SEMA4B: variants seen among roughly 807,000 people sequenced by gnomAD.
The protein encoded by SEMA4B is semaphorin 4B.
In SEMA4B, 55 loss-of-function variants were observed where a neutral mutation model predicts 88.1. The ratio of observed to expected loss-of-function variants is 0.62; its 90% CI spans 0.50 to 0.78. The LOEUF is 0.78. Ranked by LOEUF, SEMA4B falls within the 30% of genes least tolerant of loss-of-function variation. The pLI is 0.00. For synonymous variants in SEMA4B, 525 were observed against 473.6 expected, an observed-to-expected ratio of 1.11 and a Z score of -1.41; for missense variants, 1,062 against 1,111.9, an observed-to-expected ratio of 0.96 and a Z score of 0.64.
At chr15:90,213,596 G>T (rs894773628) in intron 1 of SEMA4B, among the ~76,000 whole-genome samples, 1 of 152,238 alleles carries the variant, frequency 6.6e-6, no homozygotes, top group Non-Finnish European at 1.5e-5. Context: ...TCTCCCAGGC[G>T]TAAGTGGGAT....
At chr15:90,213,889 T>G (rs1596142197) in intron 1 of SEMA4B, among the ~76,000 whole-genome samples, 1 of 152,342 alleles carries the variant, frequency 6.6e-6, no homozygotes, top group South Asian at 2.1e-4. Context: ...CCGTGACATG[T>G]ATGAGAAACT....
chr15:90,217,467 C>T lies in SEMA4B; in HGVS notation c.186C>T (p.Phe62=), dbSNP rs377508643. ...LGSEERPFLR[F]EAEHISNYTA... ...CTGAAGAGCGGCCATTCCTCAGATT[C>T]GAAGCTGAACACATCTCCAACTACA... Residue 62 remains phenylalanine, a synonymous_variant, in exon 2 of 14, where the codon TTC becomes TTT. Transcript: ENST00000411539. 9.9e-6 allele frequency: 16 copies of T among 1,613,530 alleles called. No homozygotes were observed. Among genetic ancestry groups the T allele is most frequent in the African/African-American group, 1.3e-5 (1 of 74,908 alleles).
intron 1 of SEMA4B, chr15:90,185,096 T>C (rs1254757609): frequency 1.0e-6 from 1 of 980,754 alleles, no homozygotes; most frequent in Non-Finnish European, 1.2e-6. Flanking sequence ...GCGCGGGGGG[T>C]GCCTGGCGAG....
At position 90,221,621 on chromosome 15, in the gene SEMA4B, T is replaced by C. The variant is rs747557272; in HGVS notation, c.717T>C (p.Ala239=). 2 of 1,614,020 alleles carry C rather than the reference T, an allele frequency of 1.2e-6. No individual in the cohort carries two copies. The highest frequency in any genetic ancestry group is 1.1e-5 in the South Asian group (1 of 91,090). ...CTGACCTGGTCCCTACAGACCCAGCTTTTGTGGCCTCAGCCTACATTCCTG... is the reference window on the plus strand; with the variant it reads ...CTGACCTGGTCCCTACAGACCCAGCCTTTGTGGCCTCAGCCTACATTCCTG... ...ESSLNWLQDP[A]FVASAYIPES... Residue 239 remains alanine (A), a synonymous_variant, in exon 7 of 14, where the codon GCT becomes GCC. Transcript: ENST00000411539.
chr15:90,188,760 C>G (rs558821543), intron 1 of SEMA4B, among the ~76,000 whole-genome samples: 7 of 152,116 alleles, frequency 4.6e-5, no homozygotes, highest in Non-Finnish European at 7.4e-5. Context: ...CTCCGCCCCC[C>G]GGATTCATGC....
intron 1 of SEMA4B, among the ~76,000 whole-genome samples, chr15:90,186,860 G>A (rs200384568): frequency 5.3e-5 from 8 of 152,196 alleles, no homozygotes; most frequent in African/African-American, 1.7e-4. Context: ...GTGAACCCGC[G>A]AGGCGGAGCT....
intron 1 of SEMA4B, among the ~76,000 whole-genome samples, chr15:90,191,106 G>A (rs774596945): frequency 1.1e-4 from 16 of 152,216 alleles, no homozygotes; most frequent in South Asian, 2.1e-4. Context: ...CCCTGTCAGG[G>A]CAGGGACAGG....
intron 1 of SEMA4B, among the ~76,000 whole-genome samples, chr15:90,205,777 C>T (rs899361356): frequency 9.9e-5 from 15 of 152,200 alleles, no homozygotes; most frequent in Admixed American, 8.5e-4. Flanking sequence ...CCTTGTCAGG[C>T]TTAGTGCCTG....
rs756552957 is a variant in SEMA4B, at chr15:90,221,714, A to AT, written c.813dup (p.Glu272Ter). 43 of 1,613,880 alleles carry AT rather than the reference A, an allele frequency of 2.7e-5. No homozygotes were observed. ...TTTTCTTCAGCGAGACTGGCCAGGA[A>AT]TTTGAGTTCTTTGAGAACACCATTG... On this transcript the variant is annotated frameshift_variant, in exon 7 of 14. Coordinates refer to ENST00000411539, the MANE Select transcript of SEMA4B (RefSeq NM_198925.4). LOFTEE classifies it high-confidence loss of function.
chr15:90,201,878 G>C lies in SEMA4B; in HGVS notation c.157+143G>C, dbSNP rs1960760253. 5.0e-6 allele frequency: 4 copies of C among 801,466 alleles called. No homozygotes were observed. In the South Asian group the frequency reaches 7.1e-5, roughly 14 times the overall value. 49.6% of individuals were successfully genotyped at this position (801,466 alleles called of 1,614,324 possible). A position where few individuals can be genotyped will look rare whatever the true frequency, so the allele number is the denominator to read the frequency against. On this transcript the variant is annotated intron_variant, in intron 1 of 13. Transcript: ENST00000411539. Reference sequence around the variant, plus strand: ...CCATTAGGACCCCTTCTTTTTTCAAGGCGCTGCGCGGAGGGAGGGAGAGGA... The same window carrying C: ...CCATTAGGACCCCTTCTTTTTTCAACGCGCTGCGCGGAGGGAGGGAGAGGA...
Position 90,228,406 on chromosome 15 carries a change from G to T in SEMA4B, c.2277G>T (p.Lys759Asn). The T allele has an allele frequency of 6.2e-7, 1 of 1,603,818 alleles. No homozygotes were observed. Among genetic ancestry groups the T allele is most frequent in the South Asian group, 1.1e-5 (1 of 89,382 alleles). Residue 759 changes from lysine (K) to asparagine (N), a missense_variant, in exon 14 of 14, where the codon AAG (lysine) becomes AAT (asparagine). Coordinates refer to ENST00000411539, the MANE Select transcript of SEMA4B (RefSeq NM_198925.4). ...KQGECASVHP[K>N]TCPVVLPPET... Reference sequence around the variant, plus strand: ...GGGAATGTGCCAGCGTGCACCCCAAGACCTGCCCTGTGGTGCTGCCCCCTG... The same window carrying T: ...GGGAATGTGCCAGCGTGCACCCCAATACCTGCCCTGTGGTGCTGCCCCCTG...
chr15:90,213,861 TTA>T (rs1388927531), intron 1 of SEMA4B, among the ~76,000 whole-genome samples: 2 of 152,182 alleles, frequency 1.3e-5, no homozygotes, highest in Non-Finnish European at 2.9e-5. Context: ...CCTGTGATCT[TTA>T]TATGTCTCAT....
At chr15:90,225,548 G>T in intron 11 of SEMA4B, 113 bp from the exon 12 acceptor site, 1 of 1,345,684 alleles carries the variant, frequency 7.4e-7, no homozygotes, top group Non-Finnish European at 1.0e-6. Flanking sequence ...GGGGTCGCCT[G>T]TTACGTAACA....
At chr15:90,219,585 A>G in intron 3 of SEMA4B, 1 of 539,682 alleles carries the variant, frequency 1.9e-6, no homozygotes, top group Non-Finnish European at 3.3e-6. Context: ...AAACTAGCTG[A>G]GCCCCTGGGC....
At chr15:90,201,001 C>A (rs773456222), upstream of SEMA4B, among the ~76,000 whole-genome samples, 1 of 152,222 alleles carries the variant, frequency 6.6e-6, no homozygotes, top group African/African-American at 2.4e-5. Context: ...AATCACCATC[C>A]GCCCCCTAAC....
At position 90,224,917 on chromosome 15, in the gene SEMA4B, G is replaced by A. The variant is rs1596158341; in HGVS notation, c.1195-51G>A. The A allele has an allele frequency of 2.0e-6, 3 of 1,523,376 alleles. No individual in the cohort carries two copies. The East Asian group carries it at 6.8e-5, about 34-fold the overall frequency. The allele number at this position is 1,523,376 out of a possible 1,614,324, so 94.4% of individuals were successfully genotyped here. A position where few individuals can be genotyped will look rare whatever the true frequency, so the allele number is the denominator to read the frequency against. ...ACTGGGGAAGCAGGGCCCGCATCCTGCCTGCCACCCCGAGGTGTGGCTGGC... is the reference window on the plus strand; with the variant it reads ...ACTGGGGAAGCAGGGCCCGCATCCTACCTGCCACCCCGAGGTGTGGCTGGC... On this transcript the variant is annotated intron_variant, in intron 9 of 13. Coordinates refer to ENST00000411539, the MANE Select transcript of SEMA4B (RefSeq NM_198925.4).
intron 7 of SEMA4B, among the ~76,000 whole-genome samples, chr15:90,222,971 T>TATATATATATATATATACA (rs3029968): frequency 1.2e-3 from 152 of 123,634 alleles, no homozygotes; most frequent in African/African-American, 4.6e-3. Flanking sequence ...TATATATACA[T>TATATATATATATATATACA]TTTTTTTTTT....
At chr15:90,185,984 A>C (rs1009371260) in intron 1 of SEMA4B, among the ~76,000 whole-genome samples, 2 of 127,246 alleles carry the variant, frequency 1.6e-5, no homozygotes, top group African/African-American at 6.2e-5. Context: ...TCCAGGCTAC[A>C]GTGCAGTAGC....
At chr15:90,201,297 G>A, upstream of SEMA4B, 2 of 1,136,782 alleles carry the variant, frequency 1.8e-6, no homozygotes, top group Non-Finnish European at 2.2e-6. Context: ...CCGGGCTCAC[G>A]GCCGACTTCC....
Sources: allele counts gnomAD v4.1 joint callset (sites outside exome capture counted in the v4.1 genomes callset), GRCh38; gene constraint gnomAD v4.1.1; transcripts MANE v1.5; gene names NCBI Gene and HGNC (gene_info 2026-07-23, HGNC 2026-07-21).